The following KCNIP4 variants were observed in gnomAD, a reference collection of about 807,000 sequenced individuals.
KCNIP4 encodes Kv channel-interacting protein 4.
In KCNIP4, 12 loss-of-function variants were observed where a neutral mutation model predicts 34.0. That is an observed-to-expected ratio of 0.35 (90% confidence interval 0.23 to 0.57). The LOEUF is 0.57. Among genes scored for constraint, KCNIP4 ranks in the 20% least tolerant of loss-of-function variants. The pLI is 0.83. For synonymous variants in KCNIP4, 124 were observed against 102.2 expected (o/e 1.21, Z -1.29); for missense variants, 238 against 311.7 (o/e 0.76, Z 1.78).
At chr4:21,892,369 C>T (rs1042289363) in intron 1 of KCNIP4, among the ~76,000 whole-genome samples, 4 of 151,398 alleles carry the variant, frequency 2.6e-5, no homozygotes, top group African/African-American at 4.9e-5. Flanking sequence ...GTTGGGATTG[C>T]GATTACCCTC....
chr4:21,481,399 G>A (rs1201703287), intron 1 of KCNIP4, among the ~76,000 whole-genome samples: 3 of 152,130 alleles, frequency 2.0e-5, no homozygotes. Context: ...GACGCCTGGA[G>A]AAGACCCTTC....
intron 1 of KCNIP4, among the ~76,000 whole-genome samples, chr4:21,603,593 G>C (rs2109126312): frequency 6.6e-6 from 1 of 152,170 alleles, no homozygotes; most frequent in South Asian, 2.1e-4. Flanking sequence ...TACCTTGCCG[G>C]CTAAGCTAAA....
chr4:21,177,456 C>A (rs770180670), intron 1 of KCNIP4, among the ~76,000 whole-genome samples: 2 of 152,142 alleles, frequency 1.3e-5, no homozygotes, highest in Non-Finnish European at 2.9e-5. Flanking sequence ...TCACACCTAT[C>A]TTCTTCATAG....
chr4:21,564,613 G>T (rs888791793), intron 1 of KCNIP4, among the ~76,000 whole-genome samples: 1 of 152,048 alleles, frequency 6.6e-6, no homozygotes, highest in Non-Finnish European at 1.5e-5. Context: ...TTGTAATTCC[G>T]TGTCTTAGTC....
intron 1 of KCNIP4, among the ~76,000 whole-genome samples, chr4:21,519,754 TG>T (rs1735322184): frequency 7.6e-6 from 1 of 131,876 alleles, no homozygotes; most frequent in African/African-American, 3.5e-5. Flanking sequence ...CACACGTGTG[TG>T]TATGTATGTG....
chr4:20,893,338 G>A (rs1466782667), intron 1 of KCNIP4, among the ~76,000 whole-genome samples: 1 of 152,176 alleles, frequency 6.6e-6, no homozygotes, highest in African/African-American at 2.4e-5. Flanking sequence ...GAACTTTAGG[G>A]TTCAGGGAGA....
chr4:21,100,082 A>C (rs1484253010), intron 1 of KCNIP4, among the ~76,000 whole-genome samples: 1 of 152,218 alleles, frequency 6.6e-6, no homozygotes, highest in Non-Finnish European at 1.5e-5. Flanking sequence ...GTGACTACAA[A>C]GGATTTTGAA....
intron 1 of KCNIP4, among the ~76,000 whole-genome samples, chr4:21,912,058 T>C (rs1728364835): frequency 6.6e-6 from 1 of 152,154 alleles, no homozygotes; most frequent in African/African-American, 2.4e-5. Flanking sequence ...GCTATAACCA[T>C]AACTGCAACA....
At chr4:21,628,791 T>C (rs758504582) in intron 1 of KCNIP4, among the ~76,000 whole-genome samples, 3 of 152,236 alleles carry the variant, frequency 2.0e-5, no homozygotes, top group Admixed American at 6.5e-5. Context: ...GAAATTTTGC[T>C]ATATTTAACC....
intron 1 of KCNIP4, among the ~76,000 whole-genome samples, chr4:21,109,284 C>T (rs1261329311): frequency 3.9e-5 from 6 of 152,214 alleles, no homozygotes; most frequent in Non-Finnish European, 7.3e-5. Flanking sequence ...GCTTTGTTTA[C>T]CTAAGCAAGC....
intron 1 of KCNIP4, among the ~76,000 whole-genome samples, chr4:21,158,288 T>C (rs962060890): frequency 6.6e-6 from 1 of 152,008 alleles, no homozygotes; most frequent in Non-Finnish European, 1.5e-5. Context: ...AAGGAAGACT[T>C]CCACAAATAT....
chr4:21,808,441 T>A (rs1721430530), intron 1 of KCNIP4, among the ~76,000 whole-genome samples: 1 of 152,192 alleles, frequency 6.6e-6, no homozygotes. Context: ...TATTTTATGA[T>A]CATCTTAATA....
At chr4:21,578,269 G>A (rs777605930) in intron 1 of KCNIP4, among the ~76,000 whole-genome samples, 7 of 138,734 alleles carry the variant, frequency 5.0e-5, no homozygotes, top group African/African-American at 1.1e-4. Context: ...GGAGGCGGAC[G>A]TTGCAGTGAG....
chr4:20,930,494 T>C (rs1378527871), intron 1 of KCNIP4, among the ~76,000 whole-genome samples: 1 of 151,886 alleles, frequency 6.6e-6, no homozygotes, highest in Non-Finnish European at 1.5e-5. Context: ...GGCTACAGAA[T>C]CGAAAATAAA....
chr4:20,877,021 C>A (rs1417708994), intron 2 of KCNIP4, among the ~76,000 whole-genome samples: 1 of 152,138 alleles, frequency 6.6e-6, no homozygotes, highest in Non-Finnish European at 1.5e-5. Context: ...CATTTAGCCT[C>A]CTTCTTTCTA....
At chr4:21,570,181 T>C (rs946519268) in intron 1 of KCNIP4, among the ~76,000 whole-genome samples, 2 of 151,892 alleles carry the variant, frequency 1.3e-5, no homozygotes, top group Non-Finnish European at 2.9e-5. Flanking sequence ...GTCTGGAAAA[T>C]GTAATTTTTG....
chr4:21,181,680 G>A (rs1474369320), intron 1 of KCNIP4, among the ~76,000 whole-genome samples: 1 of 152,126 alleles, frequency 6.6e-6, no homozygotes, highest in Non-Finnish European at 1.5e-5. Flanking sequence ...ATCTGCAGAA[G>A]TTCTGAGAGT....
chr4:21,069,393 T>C (rs546124897), intron 1 of KCNIP4, among the ~76,000 whole-genome samples: 1 of 152,336 alleles, frequency 6.6e-6, no homozygotes, highest in African/African-American at 2.4e-5. Context: ...TTTGAGTTAT[T>C]GATTAAATGT....
At position 21,554,818 on chromosome 4, in the gene KCNIP4, C is replaced by T. The variant is rs1334047794; in HGVS notation, c.61+393753G>A. The stretch of plus-strand genomic sequence containing the variant: ...TTCCTCCTTTTCTGACTGTACAGTT[C>T]TTTATGGTCACATGTAAATCTTATT... On this transcript the variant is annotated intron_variant, in intron 1 of 8. Coordinates refer to ENST00000382152, the MANE Select transcript of KCNIP4 (RefSeq NM_025221.6). 3.9e-5 allele frequency among the ~76,000 whole-genome samples: 6 copies of T among 152,114 alleles called. No homozygotes were observed. In the East Asian group the frequency reaches 1.2e-3, roughly 29 times the overall value.
Sources: gnomAD v4.1 joint callset for allele counts (sites outside exome capture counted in the v4.1 genomes callset) on GRCh38, gnomAD v4.1.1 for gene constraint, MANE v1.5 for transcripts, NCBI Gene and HGNC (gene_info 2026-07-23, HGNC 2026-07-21) for gene names.